ZBTB46: variants seen among roughly 807,000 people sequenced by gnomAD.
ZBTB46 encodes the protein zinc finger and BTB domain containing 46.
Under a neutral mutation model 44.1 loss-of-function variants are expected in ZBTB46, and 8 were observed. That is an observed-to-expected ratio of 0.18 (90% confidence interval 0.11 to 0.33). The LOEUF is 0.33. Among genes scored for constraint, ZBTB46 ranks in the 10% least tolerant of loss-of-function variants. ZBTB46 has a pLI of 1.00. For missense variants in ZBTB46, 651 were observed against 847.7 expected (o/e 0.77, Z 2.88); for synonymous variants, 409 against 382.3 (o/e 1.07, Z -0.81).
At position 63,803,091 on chromosome 20, in the gene ZBTB46, A is replaced by G. The variant is rs73143553; in HGVS notation, c.-33-12301T>C. Among the ~76,000 whole-genome samples, 6,686 of 151,912 alleles carry G rather than the reference A, an allele frequency of 0.044. 263 individuals carry two copies. The highest frequency in any genetic ancestry group is 0.054 in the Non-Finnish European group (3,667 of 67,940). Reference sequence around the variant, plus strand: ...CAGCTCTGCCCACTCTTGCGAAGAAACCCACCAACCCGGCTCCCCCAGGGC... The same window carrying G: ...CAGCTCTGCCCACTCTTGCGAAGAAGCCCACCAACCCGGCTCCCCCAGGGC... On this transcript the variant is annotated intron_variant, in intron 1 of 4. Transcript: ENST00000245663. This position sits in a 1 kb window ranked among gnomAD's most constrained non-coding sequence, Gnocchi z 4.0.
chr20:63,794,255 G>A (rs1306609487), intron 1 of ZBTB46, among the ~76,000 whole-genome samples: 3 of 151,510 alleles, frequency 2.0e-5, no homozygotes, highest in East Asian at 1.9e-4. Flanking sequence ...GCAGTGGCAC[G>A]ATCTCGGCTC....
upstream of ZBTB46, among the ~76,000 whole-genome samples, chr20:63,831,583 G>C (rs889062175): frequency 1.3e-5 from 2 of 148,876 alleles, no homozygotes; most frequent in Non-Finnish European, 3.0e-5. Context: ...CCCTGGGCTG[G>C]CGGGGGGCTG....
In ZBTB46 at chr20:63,746,933, G is replaced by C; in HGVS notation, c.1767C>G (p.Ser589=). The C allele has an allele frequency of 6.5e-7, 1 of 1,544,782 alleles. No individual in the cohort carries two copies. The highest frequency in any genetic ancestry group is 1.2e-5 in the South Asian group (1 of 82,342). The stretch of plus-strand genomic sequence containing the variant: ...CCGACCCTGCCGGCGGGCGGGCCTA[G>C]GAGAGCCAGGCGAAGTCCTTGTCAG... ...GGPDKDFAWL[S] The change falls in exon 5 of 5, where the codon TCC becomes TCG. Residue 589 remains serine, a synonymous_variant. Coordinates refer to ENST00000245663, the MANE Select transcript of ZBTB46 (RefSeq NM_001369741.1).
rs143503483 is a variant in ZBTB46, at chr20:63,788,430, C to T, written c.937+1391G>A. On this transcript the variant is annotated intron_variant, in intron 2 of 4. Coordinates refer to ENST00000245663, the MANE Select transcript of ZBTB46 (RefSeq NM_001369741.1). ...TTATTATTTACAAATATGGAAGACA[C>T]ATAAGGGACAACCATTCAGGTGGTG... The T allele has an allele frequency of 7.9e-5, 12 of 152,350 alleles. No homozygotes were observed. The East Asian group carries it at 2.1e-3, about 27-fold the overall frequency. 9.4% of individuals were successfully genotyped at this position (152,350 alleles called of 1,614,324 possible). A position where few individuals can be genotyped will look rare whatever the true frequency, so the allele number is the denominator to read the frequency against.
chr20:63,774,055 GCCCCC>G lies in ZBTB46; in HGVS notation c.1222+1618_1222+1622del, dbSNP rs565005627. Among the ~76,000 whole-genome samples the G allele has an allele frequency of 8.2e-3, 58 of 7,108 alleles. 1 individual carries two copies. Among genetic ancestry groups the G allele is most frequent in the South Asian group, 0.069 (5 of 72 alleles). 4.7% of individuals were successfully genotyped at this position (7,108 alleles called of 152,430 possible). On this transcript the variant is annotated intron_variant, in intron 3 of 4. Transcript: ENST00000245663. ...AACAGCTGTGTAAGTGGCACCCCCCGCCCCCCCCCCCCCCCCCAGTTTTTCAGATG... is the reference window on the plus strand; with the variant it reads ...AACAGCTGTGTAAGTGGCACCCCCCGCCCCCCCCCCCCAGTTTTTCAGATG...
chr20:63,796,298 G>A (rs2092603721), intron 1 of ZBTB46, among the ~76,000 whole-genome samples: 1 of 152,216 alleles, frequency 6.6e-6, no homozygotes, highest in Admixed American at 6.5e-5. Context: ...AGGCAGGGAG[G>A]GCGGGAGGCC....
intron 3 of ZBTB46, among the ~76,000 whole-genome samples, chr20:63,768,561 C>T (rs368740176): frequency 2.4e-4 from 37 of 151,928 alleles, no homozygotes; most frequent in African/African-American, 8.5e-4. Flanking sequence ...GAGCTAAGAT[C>T]GCACCACTGC....
intron 1 of ZBTB46, among the ~76,000 whole-genome samples, chr20:63,793,322 G>A (rs936196150): frequency 8.5e-5 from 13 of 152,290 alleles, no homozygotes; most frequent in Admixed American, 6.5e-5. Flanking sequence ...GTTCTTGACC[G>A]GAGAGCATCT....
rs1398884926 is a variant in ZBTB46, at chr20:63,770,038, C to CT, written c.1222+5639dup. 2.6e-5 allele frequency among the ~76,000 whole-genome samples: 4 copies of CT among 152,360 alleles called. No individual in the cohort carries two copies. The East Asian group carries it at 7.7e-4, about 29-fold the overall frequency. ...GGGAGGCGGCACCGCACCGCCATGG[C>CT]TGTCCCTAGAATCCTTGACTCTTTA... On this transcript the variant is annotated intron_variant, in intron 3 of 4. Coordinates refer to ENST00000245663, the MANE Select transcript of ZBTB46 (RefSeq NM_001369741.1).
chr20:63,777,837 G>A (rs1397605730), intron 2 of ZBTB46, among the ~76,000 whole-genome samples: 3 of 152,150 alleles, frequency 2.0e-5, no homozygotes, highest in African/African-American at 7.2e-5. Flanking sequence ...ACAGACACAG[G>A]CCACCACACA....
chr20:63,756,453 G>A (rs562034749), intron 3 of ZBTB46, among the ~76,000 whole-genome samples: 8 of 152,206 alleles, frequency 5.3e-5, no homozygotes, highest in Non-Finnish European at 7.3e-5. Flanking sequence ...GAGCATCTCC[G>A]AAAGGGATCC....
At chr20:63,819,883 A>G (rs1289953357) in intron 1 of ZBTB46, among the ~76,000 whole-genome samples, 2 of 152,194 alleles carry the variant, frequency 1.3e-5, no homozygotes, top group African/African-American at 2.4e-5. Flanking sequence ...TGATTTCCGA[A>G]AAGTTCTTCA....
chr20:63,772,140 G>T (rs557958182), intron 3 of ZBTB46, among the ~76,000 whole-genome samples: 2 of 151,960 alleles, frequency 1.3e-5, no homozygotes, highest in South Asian at 4.2e-4. Context: ...GATTACAGGT[G>T]CCCGCCACCA....
At chr20:63,777,404 C>T (rs1405581591) in intron 2 of ZBTB46, among the ~76,000 whole-genome samples, 3 of 152,128 alleles carry the variant, frequency 2.0e-5, no homozygotes, top group African/African-American at 7.2e-5. Context: ...GAGGTTGAGG[C>T]TGTGGTGAGC....
chr20:63,810,046 C>T (rs1404645292), intron 1 of ZBTB46, among the ~76,000 whole-genome samples: 1 of 152,108 alleles, frequency 6.6e-6, no homozygotes, highest in Non-Finnish European at 1.5e-5. Context: ...GGCCGTGACA[C>T]AGGAGGCCCA....
In ZBTB46 at chr20:63,791,089, G is replaced by A. The variant is rs1427508632; in HGVS notation, c.-33-299C>T. Reference sequence around the variant, plus strand: ...ACGGCAACTGGCATATCCCAGGAACGATGAGAACACCCAGCCGTGGCTGAG... The same window carrying A: ...ACGGCAACTGGCATATCCCAGGAACAATGAGAACACCCAGCCGTGGCTGAG... On this transcript the variant is annotated intron_variant, in intron 1 of 4. Coordinates refer to ENST00000245663, the MANE Select transcript of ZBTB46 (RefSeq NM_001369741.1). Among the ~76,000 whole-genome samples the A allele has an allele frequency of 3.3e-5, 5 of 152,370 alleles. No homozygotes were observed. In the South Asian group the frequency reaches 8.3e-4, roughly 25 times the overall value.
rs1051237152 is a variant in ZBTB46 at position 63,744,028 on chromosome 20, A to AAAAT, written c.*2898_*2901dup. The AAAAT allele has an allele frequency of 2.6e-5, 4 of 152,692 alleles. No homozygotes were observed. In the East Asian group the frequency reaches 5.6e-4, roughly 22 times the overall value. 9.5% of individuals were successfully genotyped at this position (152,692 alleles called of 1,614,324 possible). A position where few individuals can be genotyped will look rare whatever the true frequency, so the allele number is the denominator to read the frequency against. ...TTGACAGGTTGAAAGCATGTTGAAAAAAATAAATATTTAAGAAAAGCACAC... is the reference window on the plus strand; with the variant it reads ...TTGACAGGTTGAAAGCATGTTGAAAAAAATAAATAAATATTTAAGAAAAGCACAC... On this transcript the variant is annotated 3_prime_UTR_variant, in exon 5 of 5. Transcript: ENST00000245663.
chr20:63,772,278 G>T (rs2092381497), intron 3 of ZBTB46, among the ~76,000 whole-genome samples: 1 of 151,856 alleles, frequency 6.6e-6, no homozygotes, highest in African/African-American at 2.4e-5. Context: ...TTACAGGTGT[G>T]AACCATCATG....
chr20:63,771,448 G>A (rs1020597085), intron 3 of ZBTB46, among the ~76,000 whole-genome samples: 1 of 152,182 alleles, frequency 6.6e-6, no homozygotes, highest in African/African-American at 2.4e-5. Flanking sequence ...GCACGGTGTT[G>A]AGAGACTTAG....
Sources: allele counts gnomAD v4.1 joint callset (sites outside exome capture counted in the v4.1 genomes callset), GRCh38; gene constraint gnomAD v4.1.1; non-coding constraint Gnocchi (gnomAD v3.1); transcripts MANE v1.5; gene names NCBI Gene and HGNC (gene_info 2026-07-23, HGNC 2026-07-21).